ATG10: variants seen among roughly 807,000 people sequenced by gnomAD.
The protein encoded by ATG10 is autophagy related 10, also known as ubiquitin-like-conjugating enzyme ATG10.
In ATG10, 30 loss-of-function variants were observed where a neutral mutation model predicts 32.1. The observed-to-expected ratio is 0.94, with a 90% CI of 0.70 to 1.27. The LOEUF (loss-of-function observed/expected upper bound fraction) is 1.27, where lower values mean the gene tolerates loss of function less well. ATG10 is among the 50% of genes most tolerant of loss of function. ATG10 has a pLI of 0.00. For missense variants in ATG10, 233 were observed against 262.3 expected (o/e 0.89, Z 0.77); for synonymous variants, 87 against 91.5 (o/e 0.95, Z 0.28).
At position 82,081,861 on chromosome 5, in the gene ATG10, T is replaced by C. The variant is rs574928035; in HGVS notation, c.216+23259T>C. Among the ~76,000 whole-genome samples the C allele has an allele frequency of 9.6e-4, 146 of 152,312 alleles. 3 individuals are homozygous for C. The South Asian group carries it at 0.013, about 14-fold the overall frequency. ...CTGCCAGGCCTTGGTATCAGGATGA[T>C]GTTGGCCTCATAAAATGAGTTAGGG... is the stretch of plus-strand genomic sequence containing the variant. On this transcript the variant is annotated intron_variant, in intron 3 of 7. Coordinates refer to ENST00000282185, the MANE Select transcript of ATG10 (RefSeq NM_031482.5).
At chr5:82,027,227 C>G (rs1042034252) in intron 2 of ATG10, among the ~76,000 whole-genome samples, 2 of 151,824 alleles carry the variant, frequency 1.3e-5, no homozygotes, top group African/African-American at 4.8e-5. Context: ...AGTGTGACCT[C>G]TTCTCTACAA....
At chr5:82,118,677 CA>C (rs1765926662) in intron 3 of ATG10, among the ~76,000 whole-genome samples, 1 of 151,930 alleles carries the variant, frequency 6.6e-6, no homozygotes, top group Admixed American at 6.6e-5. Context: ...ATCTAAACTT[CA>C]AAACAGTGAT....
intron 3 of ATG10, among the ~76,000 whole-genome samples, chr5:82,131,427 G>T (rs999252287): frequency 2.6e-5 from 4 of 152,114 alleles, no homozygotes; most frequent in African/African-American, 9.7e-5. Flanking sequence ...ACTGTTATTT[G>T]TGTGACATTA....
At chr5:82,120,693 A>C (rs756563168) in intron 3 of ATG10, among the ~76,000 whole-genome samples, 2 of 151,970 alleles carry the variant, frequency 1.3e-5, no homozygotes, top group Non-Finnish European at 2.9e-5. Flanking sequence ...TTTCCCTAAC[A>C]AATCTTACTG....
chr5:81,972,182 A>AGGGTCACC lies in ATG10; in HGVS notation c.-134_-127dup, dbSNP rs1760740609. ...CCGCAGTCCCATCATTCAGTTCCGT[A>AGGGTCACC]GGGTCACCGGCGCGGCAGTGGCCTC... On this transcript the variant is annotated 5_prime_UTR_variant, in exon 1 of 8. Coordinates refer to ENST00000282185, the MANE Select transcript of ATG10 (RefSeq NM_031482.5). 6.6e-6 allele frequency: 1 copy of AGGGTCACC among 152,252 alleles called. No individual in the cohort carries two copies. Among genetic ancestry groups the AGGGTCACC allele is most frequent in the South Asian group, 2.1e-4 (1 of 4,834 alleles). 9.4% of individuals were successfully genotyped at this position (152,252 alleles called of 1,614,324 possible).
intron 2 of ATG10, among the ~76,000 whole-genome samples, chr5:82,057,745 A>G (rs1763648871): frequency 6.6e-6 from 1 of 152,154 alleles, no homozygotes; most frequent in Admixed American, 6.6e-5. Flanking sequence ...AACATCATTC[A>G]TTAGTGTATT....
chr5:82,217,966 G>C (rs2091440272), intron 5 of ATG10, among the ~76,000 whole-genome samples: 1 of 151,384 alleles, frequency 6.6e-6, no homozygotes, highest in African/African-American at 2.4e-5. Flanking sequence ...AACAGATCCA[G>C]ACCTTGTCTC....
intron 5 of ATG10, among the ~76,000 whole-genome samples, chr5:82,231,906 ATT>A (rs1174801519): frequency 6.6e-6 from 1 of 152,242 alleles, no homozygotes; most frequent in Non-Finnish European, 1.5e-5. Flanking sequence ...GCATTATAGT[ATT>A]TTAAAAATCA....
intron 2 of ATG10, among the ~76,000 whole-genome samples, chr5:82,033,202 A>G (rs956849759): frequency 9.8e-5 from 15 of 152,334 alleles, no homozygotes; most frequent in African/African-American, 3.6e-4. Context: ...TTTAATAAAT[A>G]TCAATGCAAT....
intron 5 of ATG10, among the ~76,000 whole-genome samples, chr5:82,181,504 A>G (rs1471848004): frequency 6.6e-6 from 1 of 152,088 alleles, no homozygotes; most frequent in South Asian, 2.1e-4. Flanking sequence ...TTCATTTTTT[A>G]GTACCACATA....
chr5:82,223,960 A>T (rs1561365909), intron 5 of ATG10, among the ~76,000 whole-genome samples: 2 of 152,180 alleles, frequency 1.3e-5, no homozygotes, highest in Non-Finnish European at 1.5e-5. Flanking sequence ...TAGAGAGCAA[A>T]CCAGAACAAG....
At chr5:82,141,636 T>C (rs949798203) in intron 3 of ATG10, among the ~76,000 whole-genome samples, 1 of 151,762 alleles carries the variant, frequency 6.6e-6, no homozygotes, top group African/African-American at 2.4e-5. Context: ...CCAACAAATA[T>C]AGCTTACTTT....
In ATG10 at chr5:81,991,795, C is replaced by CAA. The variant is rs879300586; in HGVS notation, c.108+4130_108+4131dup. On this transcript the variant is annotated intron_variant, in intron 2 of 7. Coordinates refer to ENST00000282185, the MANE Select transcript of ATG10 (RefSeq NM_031482.5). Reference sequence around the variant, plus strand: ...GGCCAACAAGAGTGAAACTCCGTCTCAAAAAAAAAAAAAACTTATCTATAC... The same window carrying CAA: ...GGCCAACAAGAGTGAAACTCCGTCTCAAAAAAAAAAAAAAAACTTATCTATAC... Among the ~76,000 whole-genome samples, 124 of 127,272 alleles carry CAA rather than the reference C, an allele frequency of 9.7e-4. No homozygotes were observed. The Middle Eastern group carries it at 0.012, about 12-fold the overall frequency. The allele number at this position is 127,272 out of a possible 152,430, so 83.5% of individuals were successfully genotyped here.
rs566082207 is a variant in ATG10, at chr5:82,116,675, A to G, written c.217-47724A>G. ...ACCTAATTATTTAAAAGCAAAACAA[A>G]ACAAACATCATCTGGCTACGCCTCC... On this transcript the variant is annotated intron_variant, in intron 3 of 7. Coordinates refer to ENST00000282185, the MANE Select transcript of ATG10 (RefSeq NM_031482.5). Among the ~76,000 whole-genome samples, 174 of 152,238 alleles carry G rather than the reference A, an allele frequency of 1.1e-3. 2 individuals carry two copies. The highest frequency in any genetic ancestry group is 2.2e-3 in the Admixed American group (34 of 15,260).
At chr5:82,022,751 T>C (rs1449410490) in intron 2 of ATG10, among the ~76,000 whole-genome samples, 1 of 151,996 alleles carries the variant, frequency 6.6e-6, no homozygotes, top group African/African-American at 2.4e-5. Flanking sequence ...CCATTATTAT[T>C]TCTACTTTAG....
rs1293671501 is a variant in ATG10, at chr5:82,254,642, A to G, written c.*579A>G. On this transcript the variant is annotated 3_prime_UTR_variant, in exon 8 of 8. Coordinates refer to ENST00000282185, the MANE Select transcript of ATG10 (RefSeq NM_031482.5). ...ACTTATTAATACTAGGAATACCAAC[A>G]TTATTAGGGCACTTGCAGGTTATTC... The G allele has an allele frequency of 6.6e-6, 1 of 151,946 alleles. No homozygotes were observed. The highest frequency in any genetic ancestry group is 2.4e-5 in the African/African-American group (1 of 41,384). The allele number at this position is 151,946 out of a possible 1,614,324, so 9.4% of individuals were successfully genotyped here.
chr5:82,130,364 G>A (rs929079489), intron 3 of ATG10, among the ~76,000 whole-genome samples: 3 of 152,114 alleles, frequency 2.0e-5, no homozygotes, highest in Non-Finnish European at 2.9e-5. Context: ...GTTCTGTCTC[G>A]CTGGCGTTCC....
chr5:82,020,948 C>A (rs1762416995), intron 2 of ATG10, among the ~76,000 whole-genome samples: 1 of 152,064 alleles, frequency 6.6e-6, no homozygotes, highest in South Asian at 2.1e-4. Flanking sequence ...AAAACCATTT[C>A]ATGTTTGTAC....
intron 6 of ATG10, 32 bp from the exon 7 acceptor site, chr5:82,253,282 T>C (rs1747334196): frequency 6.9e-7 from 1 of 1,440,518 alleles, no homozygotes. Flanking sequence ...AATGGAAACG[T>C]TAGCATGGCC....
Sources: gnomAD v4.1 joint callset for allele counts (sites outside exome capture counted in the v4.1 genomes callset) on GRCh38, gnomAD v4.1.1 for gene constraint, MANE v1.5 for transcripts, NCBI Gene and HGNC (gene_info 2026-07-23, HGNC 2026-07-21) for gene names.